SLC39A8: variants seen among roughly 807,000 people sequenced by gnomAD.
SLC39A8 encodes solute carrier family 39 member 8, also known as metal cation symporter ZIP8.
In SLC39A8, 15 loss-of-function variants were observed where a neutral mutation model predicts 40.4. That is an observed-to-expected ratio of 0.37 (90% CI 0.25 to 0.57). SLC39A8 has a LOEUF of 0.57. SLC39A8 is among the 20% of genes least tolerant of loss of function. The pLI is 0.75. For missense variants in SLC39A8, 472 were observed against 558.8 expected (o/e 0.84, Z 1.57); for synonymous variants, 223 against 221.6 (o/e 1.01, Z -0.06).
At chr4:102,332,958 T>C (rs935343397) in intron 2 of SLC39A8, among the ~76,000 whole-genome samples, 4 of 152,032 alleles carry the variant, frequency 2.6e-5, no homozygotes, top group African/African-American at 4.8e-5. Context: ...TAAGTGGGAA[T>C]TGAACAATGA....
At chr4:102,252,307 C>T (rs1440262299) in exon 12 of SLC39A8, 3 of 152,342 alleles carry the variant, frequency 2.0e-5, no homozygotes, top group Non-Finnish European at 4.4e-5. Context: ...CACGGCCAGG[C>T]TTGACTTCTA....
intron 2 of SLC39A8, among the ~76,000 whole-genome samples, chr4:102,317,135 T>C (rs915610603): frequency 6.6e-6 from 1 of 152,174 alleles, no homozygotes; most frequent in Non-Finnish European, 1.5e-5. Context: ...TATCAATAAC[T>C]CAAAGTTGAT....
intron 6 of SLC39A8, among the ~76,000 whole-genome samples, chr4:102,284,156 T>A (rs992011687): frequency 2.0e-5 from 3 of 152,214 alleles, no homozygotes; most frequent in African/African-American, 7.2e-5. Context: ...TTGTTACATG[T>A]ATAGATTGAG....
Position 102,289,321 on chromosome 4 carries a change from T to C in SLC39A8, c.840+14996A>G, listed in dbSNP as rs540351260. Among the ~76,000 whole-genome samples, 11 of 152,282 alleles carry C rather than the reference T, an allele frequency of 7.2e-5. No individual in the cohort carries two copies. The South Asian group carries it at 8.3e-4, about 11-fold the overall frequency. On this transcript the variant is annotated intron_variant, in intron 6 of 8. Transcript: ENST00000356736. ...ATAAAAGAAATTCCTTTCAAAATAT[T>C]ACTGCTTATTGACAGTGCATCTAGT...
intron 8 of SLC39A8, 34 bp from the exon 9 acceptor site, chr4:102,263,227 C>A (rs762263979): frequency 6.3e-7 from 1 of 1,594,184 alleles, no homozygotes; most frequent in Admixed American, 1.7e-5. Flanking sequence ...ATAACTGTTG[C>A]CATCTTGTGG....
chr4:102,315,318 T>C (rs1024821960), intron 3 of SLC39A8, among the ~76,000 whole-genome samples: 20 of 152,068 alleles, frequency 1.3e-4, no homozygotes, highest in African/African-American at 4.8e-4. Flanking sequence ...TAAAATAATA[T>C]GGTAAGCAAA....
intron 6 of SLC39A8, among the ~76,000 whole-genome samples, chr4:102,272,166 C>G (rs1476918615): frequency 1.3e-5 from 2 of 151,956 alleles, no homozygotes; most frequent in African/African-American, 4.8e-5. Context: ...AACTAGACCT[C>G]GTCTATACAA....
exon 12 of SLC39A8, chr4:102,253,213 A>G (rs1482375451): frequency 5.0e-6 from 2 of 403,690 alleles, no homozygotes; most frequent in Non-Finnish European, 8.8e-6. Context: ...ACAGTAGCAA[A>G]ATGGCTGCTC....
chr4:102,267,635 C>G lies in SLC39A8; in HGVS notation c.1088G>C (p.Arg363Pro), dbSNP rs201523572. 4 of 1,612,928 alleles carry G rather than the reference C, an allele frequency of 2.5e-6. No homozygotes were observed. The highest frequency in any genetic ancestry group is 3.4e-6 in the Non-Finnish European group (4 of 1,179,744). Residue 363 changes from arginine (R) to proline (P), a missense_variant, in exon 8 of 9, where the codon CGA (arginine) becomes CCA (proline). By Grantham distance (103) the Arg-to-Pro change is moderately radical (BLOSUM62 -2). Transcript: ENST00000356736. Reference sequence around the variant, plus strand: ...AAGGAAGTTGAATAGCAAGGCTTGTCGAGTGCTCATCCCTGCATTGAGTAG... The same window carrying G: ...AAGGAAGTTGAATAGCAAGGCTTGTGGAGTGCTCATCCCTGCATTGAGTAG... ...VILLNAGMSTRQALLFNFLSA... is the reference protein window; with the variant it reads ...VILLNAGMSTPQALLFNFLSA...
rs72924837 is a variant in SLC39A8 at position 102,273,919 on chromosome 4, G to C, written c.841-5840C>G. 7.0e-3 allele frequency among the ~76,000 whole-genome samples: 1,062 copies of C among 152,062 alleles called. 10 individuals are homozygous for C. Among genetic ancestry groups the C allele is most frequent in the African/African-American group, 0.024 (1,008 of 41,486 alleles). On this transcript the variant is annotated intron_variant, in intron 6 of 8. Coordinates refer to ENST00000356736, the MANE Select transcript of SLC39A8 (RefSeq NM_001135146.2). ...TAGCATCAACATCAACAAAAAGAAC[G>C]GCCACTCAAAAACTCCATCTGAAGG...
intron 6 of SLC39A8, among the ~76,000 whole-genome samples, chr4:102,276,535 TCA>T (rs1732626559): frequency 6.6e-6 from 1 of 152,146 alleles, no homozygotes; most frequent in African/African-American, 2.4e-5. Context: ...CTAGAGAGAT[TCA>T]CAGTCGAATT....
downstream of SLC39A8, chr4:102,259,384 G>T: frequency 9.4e-7 from 1 of 1,068,260 alleles, no homozygotes; most frequent in Non-Finnish European, 1.4e-6. Context: ...CACTGCAGAA[G>T]GAATTAAGCC....
chr4:102,289,991 A>G (rs1733350667), intron 6 of SLC39A8, among the ~76,000 whole-genome samples: 1 of 152,174 alleles, frequency 6.6e-6, no homozygotes. Context: ...TGTGGGTAAA[A>G]TGCTGTCAAA....
chr4:102,341,074 G>GAC (rs34122823), intron 2 of SLC39A8, among the ~76,000 whole-genome samples: 2 of 14,450 alleles, frequency 1.4e-4, no homozygotes, highest in Non-Finnish European at 3.4e-4. Flanking sequence ...TTTGCCAGCT[G>GAC]AGACAGTTCA....
intron 3 of SLC39A8, among the ~76,000 whole-genome samples, chr4:102,314,863 T>C (rs1734589835): frequency 6.6e-6 from 1 of 152,184 alleles, no homozygotes; most frequent in African/African-American, 2.4e-5. Flanking sequence ...TCCACTACAC[T>C]GTAAGCCCTA....
chr4:102,337,281 C>T (rs1271690199), intron 2 of SLC39A8, among the ~76,000 whole-genome samples: 2 of 148,318 alleles, frequency 1.3e-5, no homozygotes, highest in African/African-American at 2.5e-5. Flanking sequence ...AAAGAAAACA[C>T]CTTTAAACAA....
intron 2 of SLC39A8, among the ~76,000 whole-genome samples, chr4:102,319,245 G>T (rs192029473): frequency 7.2e-4 from 110 of 152,302 alleles, no homozygotes; most frequent in Non-Finnish European, 1.4e-3. Flanking sequence ...ATGGGAAAGT[G>T]GGGGGCTGGT....
At chr4:102,323,451 T>A (rs765218491) in intron 2 of SLC39A8, among the ~76,000 whole-genome samples, 15 of 152,246 alleles carry the variant, frequency 9.9e-5, no homozygotes, top group Non-Finnish European at 2.1e-4. Flanking sequence ...AAGTTTGTTA[T>A]TTTGATGCAT....
At position 102,275,075 on chromosome 4, in the gene SLC39A8, T is replaced by C. The variant is rs552166420; in HGVS notation, c.841-6996A>G. ...GCAAAATAAACAGCTAGCATCATAA[T>C]GACAGGATCAAATTCACACATAACA... is the stretch of plus-strand genomic sequence containing the variant. On this transcript the variant is annotated intron_variant, in intron 6 of 8. Transcript: ENST00000356736. 7.6e-4 allele frequency among the ~76,000 whole-genome samples: 115 copies of C among 152,268 alleles called. 2 individuals are homozygous for C. The South Asian group carries it at 0.023, about 31-fold the overall frequency.
Sources: gnomAD v4.1 joint callset for allele counts (sites outside exome capture counted in the v4.1 genomes callset) on GRCh38, gnomAD v4.1.1 for gene constraint, MANE v1.5 for transcripts, NCBI Gene and HGNC (gene_info 2026-07-23, HGNC 2026-07-21) for gene names.